The following NEGR1 variants were observed in gnomAD, a reference collection of about 807,000 sequenced individuals.
NEGR1 encodes the protein IgLON family member 4.
Under a neutral mutation model 40.9 loss-of-function variants are expected in NEGR1, and 10 were observed. That is an observed-to-expected ratio of 0.24 (90% CI 0.15 to 0.42). The LOEUF is 0.42. Ranked by LOEUF, NEGR1 falls within the 10% of genes least tolerant of loss-of-function variation. NEGR1 has a pLI of 1.00. For missense variants in NEGR1, 352 were observed against 438.9 expected, an observed-to-expected ratio of 0.80 and a Z score of 1.77; for synonymous variants, 185 against 166.8, an observed-to-expected ratio of 1.11 and a Z score of -0.84.
At chr1:71,955,877 AGG>A (rs1171650170) in intron 1 of NEGR1, among the ~76,000 whole-genome samples, 6 of 152,146 alleles carry the variant, frequency 3.9e-5, no homozygotes, top group Admixed American at 3.3e-4. Context: ...GTAGAGGAAA[AGG>A]AAGGGCTTAT....
chr1:72,043,369 C>G (rs1476472309), intron 1 of NEGR1, among the ~76,000 whole-genome samples: 1 of 151,676 alleles, frequency 6.6e-6, no homozygotes, highest in African/African-American at 2.4e-5. Flanking sequence ...TGGGTCCTGA[C>G]TGATATACTC....
chr1:71,974,196 T>C (rs1646282957), intron 1 of NEGR1, among the ~76,000 whole-genome samples: 2 of 152,188 alleles, frequency 1.3e-5, no homozygotes, highest in African/African-American at 4.8e-5. Context: ...TTCACAACTG[T>C]TCATTGGACA....
chr1:71,978,677 A>T (rs1423881776), intron 1 of NEGR1, among the ~76,000 whole-genome samples: 1 of 152,196 alleles, frequency 6.6e-6, no homozygotes, highest in Non-Finnish European at 1.5e-5. Context: ...CACCAGTCAG[A>T]AAGGTTATTA....
intron 1 of NEGR1, among the ~76,000 whole-genome samples, chr1:72,065,305 T>G (rs1224161459): frequency 6.6e-6 from 1 of 152,232 alleles, no homozygotes; most frequent in African/African-American, 2.4e-5. Context: ...TTAAAATTTA[T>G]GTATTCTTAG....
intron 2 of NEGR1, among the ~76,000 whole-genome samples, chr1:71,884,998 G>T (rs1268095205): frequency 6.6e-6 from 1 of 152,156 alleles, no homozygotes. Flanking sequence ...CCTCAGAATG[G>T]CTTTGAATCC....
chr1:71,633,241 C>A (rs1651035390), intron 4 of NEGR1, among the ~76,000 whole-genome samples: 1 of 152,052 alleles, frequency 6.6e-6, no homozygotes, highest in East Asian at 1.9e-4. Flanking sequence ...GTTTTCTACA[C>A]CTACACCTCC....
intron 6 of NEGR1, among the ~76,000 whole-genome samples, chr1:71,571,314 A>T (rs1357088849): frequency 1.3e-5 from 2 of 152,218 alleles, no homozygotes; most frequent in Non-Finnish European, 2.9e-5. Context: ...TCACTACAGG[A>T]CTATTCTCAT....
chr1:71,928,466 T>A (rs370636233), intron 2 of NEGR1, among the ~76,000 whole-genome samples: 12,229 of 86,030 alleles, frequency 0.14, 1,627 homozygotes, highest in Admixed American at 0.27. Flanking sequence ...ACACACATAC[T>A]TATATATACA....
chr1:72,120,310 G>A (rs1041432641), intron 1 of NEGR1, among the ~76,000 whole-genome samples: 1 of 151,860 alleles, frequency 6.6e-6, no homozygotes, highest in South Asian at 2.1e-4. Flanking sequence ...TTTTATAATA[G>A]AAAGAATTAT....
chr1:71,727,409 T>C (rs1654708239), intron 3 of NEGR1, among the ~76,000 whole-genome samples: 1 of 152,152 alleles, frequency 6.6e-6, no homozygotes, highest in Non-Finnish European at 1.5e-5. Flanking sequence ...AAAGCTTTGA[T>C]AAAAGATTGC....
intron 4 of NEGR1, among the ~76,000 whole-genome samples, chr1:71,655,867 A>T (rs945064680): frequency 6.6e-6 from 1 of 152,198 alleles, no homozygotes; most frequent in Admixed American, 6.5e-5. Context: ...TCGTGACTTA[A>T]TCCAATGCCA....
chr1:72,204,605 A>C (rs1246580132), intron 1 of NEGR1, among the ~76,000 whole-genome samples: 1 of 152,184 alleles, frequency 6.6e-6, no homozygotes, highest in Admixed American at 6.6e-5. Context: ...TCAAATATCC[A>C]GACAAATTAC....
intron 3 of NEGR1, among the ~76,000 whole-genome samples, chr1:71,713,065 A>T (rs770899761): frequency 6.6e-6 from 1 of 152,218 alleles, no homozygotes; most frequent in East Asian, 1.9e-4. Flanking sequence ...TAATACAGCC[A>T]GTATATTATA....
intron 6 of NEGR1, among the ~76,000 whole-genome samples, chr1:71,503,017 G>A (rs1647009258): frequency 6.6e-6 from 1 of 152,126 alleles, no homozygotes; most frequent in Admixed American, 6.5e-5. Context: ...CTAGGCCTAG[G>A]GAACAATAGA....
At chr1:71,679,627 T>G (rs1306285044) in intron 4 of NEGR1, among the ~76,000 whole-genome samples, 1 of 152,084 alleles carries the variant, frequency 6.6e-6, no homozygotes, top group African/African-American at 2.4e-5. Flanking sequence ...CAGCCACACA[T>G]AGAGGCAATT....
chr1:71,747,896 G>GA (rs1570291389), intron 3 of NEGR1, among the ~76,000 whole-genome samples: 1 of 150,758 alleles, frequency 6.6e-6, no homozygotes, highest in East Asian at 1.9e-4. Context: ...AAGTTTTAGG[G>GA]AAAAAAATAG....
chr1:72,127,463 CAAAAAAAAAAAAAAA>C (rs56301492), intron 1 of NEGR1, among the ~76,000 whole-genome samples: 2 of 39,292 alleles, frequency 5.1e-5, no homozygotes, highest in Non-Finnish European at 9.0e-5. Flanking sequence ...GGCTCTGTCT[CAAAAAAAAAAAAAAA>C]AAAAAAAAAA....
chr1:71,502,869 T>C (rs1393211742), intron 6 of NEGR1, among the ~76,000 whole-genome samples: 2 of 152,178 alleles, frequency 1.3e-5, no homozygotes, highest in Non-Finnish European at 2.9e-5. Flanking sequence ...AATCCATGGT[T>C]CAGTTCTCCC....
intron 6 of NEGR1, among the ~76,000 whole-genome samples, chr1:71,490,289 T>C (rs1646918281): frequency 6.6e-6 from 1 of 152,016 alleles, no homozygotes; most frequent in Non-Finnish European, 1.5e-5. Context: ...CTAATATGCA[T>C]TTGGTACCCA....
Sources: gnomAD v4.1 joint callset for allele counts (sites outside exome capture counted in the v4.1 genomes callset) on GRCh38, gnomAD v4.1.1 for gene constraint, MANE v1.5 for transcripts, NCBI Gene and HGNC (gene_info 2026-07-23, HGNC 2026-07-21) for gene names.